The following GRID2 variants were observed in gnomAD, a reference collection of about 807,000 sequenced individuals.
The protein encoded by GRID2 is glutamate ionotropic receptor delta type subunit 2.
GRID2 carries 33 observed loss-of-function variants against 114.8 expected under a neutral mutation model. That is an observed-to-expected ratio of 0.29 (90% CI 0.22 to 0.38). The LOEUF (loss-of-function observed/expected upper bound fraction) is 0.38. Ranked by LOEUF, GRID2 falls within the 10% of genes least tolerant of loss-of-function variation. GRID2 has a pLI of 1.00. For synonymous variants in GRID2, 505 were observed against 449.9 expected, an observed-to-expected ratio of 1.12 and a Z score of -1.55; for missense variants, 1,184 against 1,257.7, an observed-to-expected ratio of 0.94 and a Z score of 0.89.
At chr4:92,871,770 A>G (rs1290727735) in intron 2 of GRID2, among the ~76,000 whole-genome samples, 2 of 152,230 alleles carry the variant, frequency 1.3e-5, no homozygotes, top group African/African-American at 2.4e-5. Flanking sequence ...CAAAATGTAC[A>G]AAAGTCTTCT....
At chr4:92,905,378 A>G (rs542502264) in intron 2 of GRID2, among the ~76,000 whole-genome samples, 1 of 151,928 alleles carries the variant, frequency 6.6e-6, no homozygotes, top group East Asian at 1.9e-4. Context: ...TATAAAATAT[A>G]ATAACGTTAA....
chr4:92,903,036 G>T (rs1747692473), intron 2 of GRID2, among the ~76,000 whole-genome samples: 1 of 151,742 alleles, frequency 6.6e-6, no homozygotes, highest in Non-Finnish European at 1.5e-5. Context: ...CGGTTATTCA[G>T]GCTCCTTTCT....
At chr4:93,252,943 A>G (rs1478717782) in intron 8 of GRID2, among the ~76,000 whole-genome samples, 2 of 152,172 alleles carry the variant, frequency 1.3e-5, no homozygotes, top group East Asian at 3.9e-4. Flanking sequence ...TAGTGTGGCA[A>G]TTTTACATAT....
intron 13 of GRID2, among the ~76,000 whole-genome samples, chr4:93,515,780 C>T (rs151323259): frequency 6.6e-6 from 1 of 152,152 alleles, no homozygotes; most frequent in African/African-American, 2.4e-5. Context: ...ATTTTCTACA[C>T]TACACTTGTT....
At chr4:93,552,959 G>C (rs1733928983) in intron 13 of GRID2, among the ~76,000 whole-genome samples, 1 of 152,082 alleles carries the variant, frequency 6.6e-6, no homozygotes, top group Admixed American at 6.6e-5. Flanking sequence ...CAAAGGACAT[G>C]AACTCATCCT....
chr4:92,965,240 T>C (rs1753060931), intron 2 of GRID2, among the ~76,000 whole-genome samples: 1 of 151,690 alleles, frequency 6.6e-6, no homozygotes. Flanking sequence ...TGCCATCTTT[T>C]ATGGGCATGA....
At chr4:92,509,876 G>A (rs1283200203) in intron 1 of GRID2, among the ~76,000 whole-genome samples, 1 of 151,902 alleles carries the variant, frequency 6.6e-6, no homozygotes, top group East Asian at 1.9e-4. Context: ...AGAAAAATGT[G>A]CATTCCAAGG....
At chr4:92,411,791 C>T (rs1387143399) in intron 1 of GRID2, among the ~76,000 whole-genome samples, 1 of 151,004 alleles carries the variant, frequency 6.6e-6, no homozygotes, top group Non-Finnish European at 1.5e-5. Flanking sequence ...CTGCAAGCTC[C>T]GCCTCCCGGG....
intron 1 of GRID2, among the ~76,000 whole-genome samples, chr4:92,531,909 G>C (rs914565266): frequency 6.6e-6 from 1 of 152,104 alleles, no homozygotes; most frequent in Non-Finnish European, 1.5e-5. Flanking sequence ...CTTATGTTTA[G>C]AGCAGCTCAT....
At chr4:92,640,294 G>T (rs974609932) in intron 2 of GRID2, among the ~76,000 whole-genome samples, 1 of 151,760 alleles carries the variant, frequency 6.6e-6, no homozygotes, top group Non-Finnish European at 1.5e-5. Flanking sequence ...AAAGCTCTAA[G>T]AATTCCTGTT....
chr4:93,619,468 C>T (rs538372906), intron 13 of GRID2, among the ~76,000 whole-genome samples: 1 of 152,174 alleles, frequency 6.6e-6, no homozygotes, highest in African/African-American at 2.4e-5. Context: ...CACATTATCC[C>T]CCACTGACCA....
intron 14 of GRID2, among the ~76,000 whole-genome samples, chr4:93,678,805 A>G (rs1008435777): frequency 1.3e-5 from 2 of 151,394 alleles, no homozygotes; most frequent in Non-Finnish European, 2.9e-5. Flanking sequence ...AACAATCAGT[A>G]CCAGCCGCTG....
At chr4:93,231,573 G>A (rs1226909642) in intron 7 of GRID2, among the ~76,000 whole-genome samples, 1 of 152,076 alleles carries the variant, frequency 6.6e-6, no homozygotes, top group Non-Finnish European at 1.5e-5. Context: ...TCACAGCCAA[G>A]AAAGACATCT....
In GRID2 at chr4:92,956,703, C is replaced by T. The variant is rs749997695; in HGVS notation, c.245-128292C>T. On this transcript the variant is annotated intron_variant, in intron 2 of 15. Transcript: ENST00000282020. ...AGCAGTATGGCTGGATCCTACGGTA[C>T]GAGTATGTTTCATTTTCTAAGAAGC... is the stretch of plus-strand genomic sequence containing the variant. 8.3e-4 allele frequency among the ~76,000 whole-genome samples: 126 copies of T among 152,220 alleles called. 1 individual carries two copies. The highest frequency in any genetic ancestry group is 8.7e-4 in the Non-Finnish European group (59 of 68,004).
At position 93,207,407 on chromosome 4, in the gene GRID2, G is replaced by A; in HGVS notation, c.739G>A (p.Val247Met). 1 of 1,596,832 alleles carries A rather than the reference G, an allele frequency of 6.3e-7. No individual in the cohort carries two copies. Among genetic ancestry groups the A allele is most frequent in the Non-Finnish European group, 8.6e-7 (1 of 1,164,888 alleles). The stretch of plus-strand genomic sequence containing the variant: ...GCTGATTTGTTTTCTATTCTAGGTT[G>A]TGGAGACTAATTTGGTTGCTTTTGA... ...ATAKSFITEV[V>M]ETNLVAFDCH... Residue 247 changes from valine (V) to methionine (M), a missense_variant, in exon 5 of 16, where the codon GTG becomes ATG. Coordinates refer to ENST00000282020, the MANE Select transcript of GRID2 (RefSeq NM_001510.4).
At chr4:93,802,416 G>C (rs995599469) in intron 1 of GRID2, among the ~76,000 whole-genome samples, 2 of 151,926 alleles carry the variant, frequency 1.3e-5, no homozygotes, top group Non-Finnish European at 2.9e-5. Context: ...GTGACAGAGA[G>C]AGAGAAAGAG....
chr4:93,593,838 T>G lies in GRID2; in HGVS notation c.2194-32431T>G, dbSNP rs183727817. On this transcript the variant is annotated intron_variant, in intron 13 of 15. Transcript: ENST00000282020. Reference sequence around the variant, plus strand: ...CATTGCTGATACCCTTTCTTCCAGTTGATCGCATCGGCTCCTGAGGCTTCT... The same window carrying G: ...CATTGCTGATACCCTTTCTTCCAGTGGATCGCATCGGCTCCTGAGGCTTCT... Among the ~76,000 whole-genome samples, 825 of 152,284 alleles carry G rather than the reference T, an allele frequency of 5.4e-3. 5 individuals are homozygous for G. The highest frequency in any genetic ancestry group is 8.8e-3 in the Non-Finnish European group (597 of 68,020).
chr4:92,609,590 G>T (rs1169065959), intron 2 of GRID2, among the ~76,000 whole-genome samples: 2 of 150,810 alleles, frequency 1.3e-5, no homozygotes, highest in Non-Finnish European at 3.0e-5. Flanking sequence ...CCAGTGGAAA[G>T]CAGAGTGTAC....
chr4:92,966,264 G>A (rs1578626209), intron 2 of GRID2, among the ~76,000 whole-genome samples: 2 of 152,026 alleles, frequency 1.3e-5, no homozygotes, highest in South Asian at 4.1e-4. Flanking sequence ...ATGTTAAGGA[G>A]TAGTTGCCTT....
Sources: allele counts gnomAD v4.1 joint callset (sites outside exome capture counted in the v4.1 genomes callset), GRCh38; gene constraint gnomAD v4.1.1; transcripts MANE v1.5; gene names NCBI Gene and HGNC (gene_info 2026-07-23, HGNC 2026-07-21).